AGMO: variants seen among roughly 807,000 people sequenced by gnomAD.
The protein encoded by AGMO is alkylglycerol monooxygenase.
In AGMO, 75 loss-of-function variants were observed where a neutral mutation model predicts 60.2. The observed-to-expected ratio is 1.25, with a 90% CI of 1.03 to 1.51. The LOEUF is 1.51. Among genes scored for constraint, AGMO ranks in the 40% most tolerant of loss-of-function variants. AGMO has a pLI of 0.00. For synonymous variants in AGMO, 261 were observed against 177.1 expected (o/e 1.47, Z -3.76); for missense variants, 763 against 525.5 (o/e 1.45, Z -4.42).
At chr7:15,396,014 T>A (rs934792116) in intron 5 of AGMO, 1 of 152,226 alleles carries the variant, frequency 6.6e-6, no homozygotes, top group Admixed American at 6.5e-5. Flanking sequence ...ATCATCATCA[T>A]CATCTCCCTA....
At chr7:15,433,751 C>G (rs60378865) in intron 3 of AGMO, among the ~76,000 whole-genome samples, 1 of 143,258 alleles carries the variant, frequency 7.0e-6, no homozygotes, top group Admixed American at 7.3e-5. Context: ...TTTTTCTATA[C>G]GAAAATTATA....
chr7:15,439,058 TATC>T (rs1781477756), intron 3 of AGMO, among the ~76,000 whole-genome samples: 1 of 152,184 alleles, frequency 6.6e-6, no homozygotes, highest in Non-Finnish European at 1.5e-5. Flanking sequence ...AACATTTTCT[TATC>T]ATCAACCTTC....
intron 3 of AGMO, among the ~76,000 whole-genome samples, chr7:15,442,433 G>C (rs983195376): frequency 2.0e-5 from 3 of 152,234 alleles, no homozygotes; most frequent in African/African-American, 7.2e-5. Flanking sequence ...TTGGCATTGA[G>C]AGATGGAAGG....
intron 12 of AGMO, among the ~76,000 whole-genome samples, chr7:15,292,751 CTTTTTTT>C (rs765222435): frequency 8.8e-4 from 84 of 95,124 alleles, no homozygotes; most frequent in Admixed American, 2.2e-3. Flanking sequence ...TTTTTTTTTC[CTTTTTTT>C]TTTTTTTTTT....
At chr7:15,430,277 G>A (rs1235948132) in intron 4 of AGMO, among the ~76,000 whole-genome samples, 3 of 151,794 alleles carry the variant, frequency 2.0e-5, no homozygotes, top group African/African-American at 7.2e-5. Flanking sequence ...CCAATATTAA[G>A]TATGTATGAT....
chr7:15,430,620 T>A (rs1053780938), intron 4 of AGMO, among the ~76,000 whole-genome samples: 2 of 119,888 alleles, frequency 1.7e-5, no homozygotes, highest in East Asian at 2.2e-4. Context: ...AAAAAACAAC[T>A]GGTTTTTTTT....
downstream of AGMO, among the ~76,000 whole-genome samples, chr7:15,197,167 G>A (rs116462331): frequency 2.8e-3 from 432 of 152,020 alleles, 3 homozygotes; most frequent in African/African-American, 7.7e-3. Context: ...AAACTAGTCT[G>A]TTTTTTGCTA....
intron 3 of AGMO, among the ~76,000 whole-genome samples, chr7:15,521,564 A>C (rs1478855241): frequency 6.6e-6 from 1 of 152,188 alleles, no homozygotes; most frequent in Non-Finnish European, 1.5e-5. Flanking sequence ...AATAAATGTA[A>C]TCCATCACAT....
chr7:15,337,681 A>C (rs2128547445), intron 12 of AGMO, among the ~76,000 whole-genome samples: 1 of 152,334 alleles, frequency 6.6e-6, no homozygotes, highest in Non-Finnish European at 1.5e-5. Context: ...TGATAGGAAT[A>C]GGTTCACGAA....
At chr7:15,379,365 G>A (rs1783584524) in intron 10 of AGMO, among the ~76,000 whole-genome samples, 2 of 151,950 alleles carry the variant, frequency 1.3e-5, no homozygotes, top group Non-Finnish European at 1.5e-5. Flanking sequence ...TAGAAAAACT[G>A]TTAATTAGAT....
chr7:15,393,132 A>C (rs1386497664), intron 6 of AGMO, among the ~76,000 whole-genome samples: 1 of 152,210 alleles, frequency 6.6e-6, no homozygotes, highest in Non-Finnish European at 1.5e-5. Context: ...CCTCCCTGGA[A>C]TTGGAGAATG....
At chr7:15,537,598 T>C (rs1583662626) in intron 3 of AGMO, among the ~76,000 whole-genome samples, 1 of 152,164 alleles carries the variant, frequency 6.6e-6, no homozygotes, top group Non-Finnish European at 1.5e-5. Context: ...AATATTTCTA[T>C]ACTTTACAAT....
intron 5 of AGMO, among the ~76,000 whole-genome samples, chr7:15,400,420 T>C (rs1421536832): frequency 6.6e-6 from 1 of 152,166 alleles, no homozygotes; most frequent in Non-Finnish European, 1.5e-5. Flanking sequence ...AAGAATTATC[T>C]GGTACAAAAT....
chr7:15,333,210 C>T (rs762495354), intron 12 of AGMO, among the ~76,000 whole-genome samples: 1 of 152,140 alleles, frequency 6.6e-6, no homozygotes, highest in Non-Finnish European at 1.5e-5. Flanking sequence ...GACTCAGCAA[C>T]AATCCACTTT....
At chr7:15,204,941 T>A (rs1207659766) in intron 12 of AGMO, among the ~76,000 whole-genome samples, 2 of 152,106 alleles carry the variant, frequency 1.3e-5, no homozygotes, top group Non-Finnish European at 2.9e-5. Context: ...ACTCCTCCCA[T>A]CTCAGCCTCC....
the AGMO span, among the ~76,000 whole-genome samples, chr7:15,134,355 G>T: frequency 6.6e-6 from 1 of 151,736 alleles, no homozygotes; most frequent in Non-Finnish European, 1.5e-5. Flanking sequence ...ATTTTTTTTT[G>T]TAGAAATGGG....
intron 10 of AGMO, among the ~76,000 whole-genome samples, chr7:15,372,166 T>TGCA (rs1783246196): frequency 6.6e-6 from 1 of 150,950 alleles, no homozygotes; most frequent in African/African-American, 2.4e-5. Context: ...AAGTCTAACA[T>TGCA]GCGGCTGGGT....
rs188391970 is a variant in AGMO, at chr7:15,232,686, A to T, written c.1264-31327T>A. 2.0e-5 allele frequency among the ~76,000 whole-genome samples: 3 copies of T among 152,208 alleles called. No individual in the cohort carries two copies. In the East Asian group the frequency reaches 5.8e-4, roughly 29 times the overall value. On this transcript the variant is annotated intron_variant, in intron 12 of 12. Transcript: ENST00000342526. ...TCTGCCAATGAGTAGAATACGAATC[A>T]AAGGAAGTTTTACCCAACAAAATTG...
chr7:15,241,760 T>C (rs1462374823), intron 12 of AGMO, among the ~76,000 whole-genome samples: 1 of 152,150 alleles, frequency 6.6e-6, no homozygotes, highest in Non-Finnish European at 1.5e-5. Context: ...ATTTTGTGAG[T>C]CAGAAGTCCA....
Sources: gnomAD v4.1 joint callset for allele counts (sites outside exome capture counted in the v4.1 genomes callset) on GRCh38, gnomAD v4.1.1 for gene constraint, MANE v1.5 for transcripts, NCBI Gene and HGNC (gene_info 2026-07-23, HGNC 2026-07-21) for gene names.